The following TRPM3 variants were observed in gnomAD, a reference collection of about 807,000 sequenced individuals.
TRPM3 encodes long transient receptor potential channel 3.
TRPM3 carries 77 observed loss-of-function variants against 181.2 expected under a neutral mutation model. That is an observed-to-expected ratio of 0.42 (90% CI 0.35 to 0.51). The LOEUF is 0.51. Among genes scored for constraint, TRPM3 ranks in the 20% least tolerant of loss-of-function variants. The pLI, the probability that TRPM3 is intolerant of heterozygous loss-of-function variation, is 0.01. For synonymous variants in TRPM3, 745 were observed against 796.4 expected, an observed-to-expected ratio of 0.94 and a Z score of 1.09; for missense variants, 1,759 against 2,196.7, an observed-to-expected ratio of 0.80 and a Z score of 3.98.
intron 1 of TRPM3, among the ~76,000 whole-genome samples, chr9:71,100,953 A>G (rs2068248044): frequency 6.6e-6 from 1 of 152,096 alleles, no homozygotes; most frequent in African/African-American, 2.4e-5. Context: ...GACATGACTT[A>G]TTCTTTCTTC....
chr9:70,839,919 AG>A (rs2094538076), intron 5 of TRPM3, among the ~76,000 whole-genome samples: 1 of 152,192 alleles, frequency 6.6e-6, no homozygotes, highest in Non-Finnish European at 1.5e-5. Context: ...ATAAAATGGA[AG>A]AAAAAGGACA....
At chr9:70,833,989 G>T (rs1216903382) in intron 5 of TRPM3, among the ~76,000 whole-genome samples, 1 of 151,738 alleles carries the variant, frequency 6.6e-6, no homozygotes, top group Non-Finnish European at 1.5e-5. Context: ...AGAATGAAAT[G>T]AAAAAAAAGA....
rs561627716 is a variant in TRPM3 at position 70,895,308 on chromosome 9, G to A, written c.178-30797C>T. The stretch of plus-strand genomic sequence containing the variant: ...AAAATTCTTAATATTTTCTACAACT[G>A]GGTAGGACCTCCTGGACCATTCTGA... On this transcript the variant is annotated intron_variant, in intron 1 of 25. Transcript: ENST00000677713. 2.6e-5 allele frequency among the ~76,000 whole-genome samples: 4 copies of A among 152,196 alleles called. No homozygotes were observed. In the East Asian group the frequency reaches 5.8e-4, roughly 22 times the overall value.
At chr9:71,139,532 A>T (rs1357534202) in intron 1 of TRPM3, among the ~76,000 whole-genome samples, 1 of 152,216 alleles carries the variant, frequency 6.6e-6, no homozygotes, top group Non-Finnish European at 1.5e-5. Flanking sequence ...TGGAGATAAT[A>T]CTAAAAGGGT....
At chr9:70,683,743 C>T (rs943512029) in intron 8 of TRPM3, among the ~76,000 whole-genome samples, 2 of 152,126 alleles carry the variant, frequency 1.3e-5, no homozygotes, top group Non-Finnish European at 2.9e-5. Flanking sequence ...GCCATCTGGA[C>T]ATTATCCCAA....
At chr9:71,140,594 T>C (rs1373639688) in intron 1 of TRPM3, among the ~76,000 whole-genome samples, 1 of 152,202 alleles carries the variant, frequency 6.6e-6, no homozygotes, top group East Asian at 1.9e-4. Context: ...TTAAGGCAAA[T>C]AGGCATATAA....
chr9:70,940,127 A>G (rs1418644384), intron 1 of TRPM3, among the ~76,000 whole-genome samples: 1 of 152,200 alleles, frequency 6.6e-6, no homozygotes, highest in African/African-American at 2.4e-5. Flanking sequence ...CCTGAGGAAC[A>G]ATAATCAGAA....
chr9:71,125,826 C>T (rs113813556), upstream of TRPM3, among the ~76,000 whole-genome samples: 1,501 of 152,142 alleles, frequency 9.9e-3, 22 homozygotes, highest in East Asian at 0.072. Context: ...GATTTCATGA[C>T]GAACATGTCA....
At chr9:70,571,212 G>A (rs1189770785) in intron 22 of TRPM3, among the ~76,000 whole-genome samples, 1 of 152,136 alleles carries the variant, frequency 6.6e-6, no homozygotes, top group Non-Finnish European at 1.5e-5. Context: ...GGCCAACATG[G>A]GTTCAAGTCT....
chr9:71,292,306 TAAC>T, intron 1 of TRPM3, among the ~76,000 whole-genome samples: 1 of 150,988 alleles, frequency 6.6e-6, no homozygotes, highest in Non-Finnish European at 1.5e-5. Context: ...CAGAAAAAAA[TAAC>T]AATCAAAAGC....
chr9:71,123,794 T>C (rs1289245752), upstream of TRPM3, among the ~76,000 whole-genome samples: 1 of 152,164 alleles, frequency 6.6e-6, no homozygotes. Flanking sequence ...TCTAAGCTTT[T>C]AAATGAACGC....
intron 1 of TRPM3, among the ~76,000 whole-genome samples, chr9:71,190,531 T>C (rs2077954927): frequency 6.6e-6 from 1 of 151,894 alleles, no homozygotes; most frequent in African/African-American, 2.4e-5. Context: ...CTTTCAGGTA[T>C]CTGGGGCTTC....
At chr9:71,317,016 T>C (rs2088664040) in intron 1 of TRPM3, among the ~76,000 whole-genome samples, 1 of 152,184 alleles carries the variant, frequency 6.6e-6, no homozygotes, top group Non-Finnish European at 1.5e-5. Context: ...AGTTTGAGGT[T>C]ATACATAAAC....
chr9:71,180,958 C>T (rs1161859866), intron 1 of TRPM3, among the ~76,000 whole-genome samples: 1 of 152,000 alleles, frequency 6.6e-6, no homozygotes, highest in Admixed American at 6.6e-5. Context: ...AAGTACGTTG[C>T]TAGGATAAAA....
chr9:71,427,567 T>C (rs1317460204), intron 1 of TRPM3, among the ~76,000 whole-genome samples: 2 of 152,214 alleles, frequency 1.3e-5, no homozygotes, highest in African/African-American at 4.8e-5. Flanking sequence ...TATCATGGAA[T>C]ACTATGCAGG....
intron 1 of TRPM3, among the ~76,000 whole-genome samples, chr9:70,942,738 C>G (rs192135910): frequency 5.3e-5 from 8 of 152,198 alleles, no homozygotes; most frequent in Non-Finnish European, 8.8e-5. Context: ...ATTGGGCAAA[C>G]CATTAACCTC....
chr9:70,693,316 C>T (rs773614849), intron 8 of TRPM3, among the ~76,000 whole-genome samples: 68 of 152,218 alleles, frequency 4.5e-4, no homozygotes, highest in Non-Finnish European at 7.8e-4. Context: ...CCTTGGCTAG[C>T]AGAATTCAGA....
chr9:70,871,770 A>C (rs943133608), intron 1 of TRPM3, among the ~76,000 whole-genome samples: 15 of 152,048 alleles, frequency 9.9e-5, no homozygotes, highest in African/African-American at 3.6e-4. Context: ...GAGTGAATGT[A>C]ATTTGAATAC....
At chr9:71,252,847 C>CTTTTTTTTTTTT (rs11417438) in intron 1 of TRPM3, among the ~76,000 whole-genome samples, 2 of 84,760 alleles carry the variant, frequency 2.4e-5, no homozygotes, top group African/African-American at 1.0e-4. Context: ...AATTTTGTCT[C>CTTTTTTTTTTTT]TTTTTTTTTT....
Sources: gnomAD v4.1 joint callset for allele counts (sites outside exome capture counted in the v4.1 genomes callset) on GRCh38, gnomAD v4.1.1 for gene constraint, MANE v1.5 for transcripts, NCBI Gene and HGNC (gene_info 2026-07-23, HGNC 2026-07-21) for gene names.